HCN1: variants seen among roughly 807,000 people sequenced by gnomAD.
HCN1 encodes potassium/sodium hyperpolarization-activated cyclic nucleotide-gated channel 1.
A neutral mutation model predicts 78.9 loss-of-function variants in HCN1; 13 were observed. The ratio of observed to expected loss-of-function variants is 0.16; its 90% confidence interval spans 0.11 to 0.26. The LOEUF is 0.26. Among genes scored for constraint, HCN1 ranks in the 10% least tolerant of loss-of-function variants. The probability of loss-of-function intolerance (pLI) is 1.00; values close to 1 mark genes in which losing one functional copy is unlikely to be tolerated. For missense variants in HCN1, 810 were observed against 1,154.3 expected (o/e 0.70, Z 4.32); for synonymous variants, 552 against 455.5 (o/e 1.21, Z -2.70).
intron 5 of HCN1, among the ~76,000 whole-genome samples, chr5:45,307,998 G>C (rs1426330232): frequency 6.6e-6 from 1 of 152,100 alleles, no homozygotes; most frequent in Non-Finnish European, 1.5e-5. Flanking sequence ...CCCAATGTTG[G>C]AGGTGGTGCA....
At chr5:45,613,687 C>T (rs1744887364) in intron 2 of HCN1, among the ~76,000 whole-genome samples, 1 of 151,924 alleles carries the variant, frequency 6.6e-6, no homozygotes, top group South Asian at 2.1e-4. Context: ...TGGCATTATT[C>T]ACAATAGCAA....
chr5:45,654,913 A>G (rs1228868483), intron 1 of HCN1, among the ~76,000 whole-genome samples: 2 of 152,090 alleles, frequency 1.3e-5, no homozygotes, highest in African/African-American at 2.4e-5. Flanking sequence ...CATATTTTCA[A>G]ATCATCCAGT....
intron 2 of HCN1, among the ~76,000 whole-genome samples, chr5:45,540,403 T>C (rs1040661810): frequency 1.3e-5 from 2 of 151,842 alleles, no homozygotes; most frequent in Non-Finnish European, 2.9e-5. Flanking sequence ...TCATGGTTCA[T>C]TGCAGCCTCA....
chr5:45,298,259 A>G (rs533678416), intron 6 of HCN1, among the ~76,000 whole-genome samples: 1 of 152,138 alleles, frequency 6.6e-6, no homozygotes, highest in South Asian at 2.1e-4. Context: ...TGGTAGCTTT[A>G]TAAACAGAGA....
At chr5:45,620,519 G>A (rs924482533) in intron 2 of HCN1, among the ~76,000 whole-genome samples, 24 of 151,106 alleles carry the variant, frequency 1.6e-4, no homozygotes, top group African/African-American at 4.9e-4. Context: ...AGACAAATAC[G>A]GAGAGCATTA....
At chr5:45,307,027 C>T (rs1745748791) in intron 5 of HCN1, among the ~76,000 whole-genome samples, 1 of 151,924 alleles carries the variant, frequency 6.6e-6, no homozygotes, top group Admixed American at 6.6e-5. Context: ...AAAGACCAAT[C>T]CCCAAAATGA....
chr5:45,430,874 T>G (rs541872258), intron 3 of HCN1, among the ~76,000 whole-genome samples: 1 of 152,254 alleles, frequency 6.6e-6, no homozygotes, highest in East Asian at 1.9e-4. Flanking sequence ...TGATTCCATG[T>G]CTTTGCTATT....
intron 2 of HCN1, among the ~76,000 whole-genome samples, chr5:45,609,452 T>C (rs1387223599): frequency 1.3e-5 from 2 of 152,104 alleles, no homozygotes; most frequent in Non-Finnish European, 2.9e-5. Context: ...GGAATATTAA[T>C]GCTCAAAATA....
intron 5 of HCN1, among the ~76,000 whole-genome samples, chr5:45,351,157 G>A (rs1449155948): frequency 6.6e-6 from 1 of 152,020 alleles, no homozygotes; most frequent in Non-Finnish European, 1.5e-5. Flanking sequence ...AAAACAGCAT[G>A]GTACTGATAC....
chr5:45,430,810 A>G lies in HCN1; in HGVS notation c.1011+31036T>C, dbSNP rs145791421. Among the ~76,000 whole-genome samples, 82 of 152,228 alleles carry G rather than the reference A, an allele frequency of 5.4e-4. 1 individual carries two copies. Among genetic ancestry groups the G allele is most frequent in the East Asian group, 2.1e-3 (11 of 5,160 alleles). ...GGACTCCAGCCTGGGCGACAGAGCGAGACTCTGCCTCAAAAAAAAGAAAAA... is the reference window on the plus strand; with the variant it reads ...GGACTCCAGCCTGGGCGACAGAGCGGGACTCTGCCTCAAAAAAAAGAAAAA... On this transcript the variant is annotated intron_variant, in intron 3 of 7. Coordinates refer to ENST00000303230, the MANE Select transcript of HCN1 (RefSeq NM_021072.4).
chr5:45,346,717 G>A lies in HCN1; in HGVS notation c.1377+6383C>T, dbSNP rs573988215. ...CCGGCACACCAGGAGATTATATCCTGCACCTGGCTTGGAGGGTCCTACATC... is the reference window on the plus strand; with the variant it reads ...CCGGCACACCAGGAGATTATATCCTACACCTGGCTTGGAGGGTCCTACATC... On this transcript the variant is annotated intron_variant, in intron 5 of 7. Transcript: ENST00000303230. Among the ~76,000 whole-genome samples the A allele has an allele frequency of 1.2e-4, 18 of 152,318 alleles. No individual in the cohort carries two copies. In the East Asian group the frequency reaches 2.5e-3, roughly 21 times the overall value.
chr5:45,402,377 A>G (rs1362853393), intron 3 of HCN1, among the ~76,000 whole-genome samples: 1 of 152,140 alleles, frequency 6.6e-6, no homozygotes, highest in Non-Finnish European at 1.5e-5. Flanking sequence ...ACATCAGCAG[A>G]CATTTTAGTT....
chr5:45,271,001 A>T (rs1251127883), intron 6 of HCN1, among the ~76,000 whole-genome samples: 4 of 152,088 alleles, frequency 2.6e-5, no homozygotes, highest in Non-Finnish European at 5.9e-5. Context: ...ATAGGTACAC[A>T]TTACTAAGTA....
At chr5:45,570,875 CTT>C (rs1554033456) in intron 2 of HCN1, among the ~76,000 whole-genome samples, 1 of 152,050 alleles carries the variant, frequency 6.6e-6, no homozygotes, top group Non-Finnish European at 1.5e-5. Context: ...ATTTAAAATT[CTT>C]TTGTGACAAT....
At chr5:45,374,065 A>AAT (rs1388065772) in intron 4 of HCN1, among the ~76,000 whole-genome samples, 1 of 105,356 alleles carries the variant, frequency 9.5e-6, no homozygotes, top group African/African-American at 3.8e-5. Context: ...TTATATATAT[A>AAT]ATATATATAA....
chr5:45,346,296 T>C (rs901497710), intron 5 of HCN1, among the ~76,000 whole-genome samples: 20 of 152,152 alleles, frequency 1.3e-4, no homozygotes, highest in East Asian at 5.8e-4. Context: ...CCATAATTCA[T>C]TGAGTACATA....
chr5:45,456,992 G>T (rs1028323765), intron 3 of HCN1, among the ~76,000 whole-genome samples: 1 of 151,988 alleles, frequency 6.6e-6, no homozygotes, highest in African/African-American at 2.4e-5. Context: ...CCATATGTAT[G>T]ACATTCAGAT....
intron 4 of HCN1, among the ~76,000 whole-genome samples, chr5:45,373,992 TAA>T (rs1338323352): frequency 8.7e-5 from 9 of 103,692 alleles, no homozygotes; most frequent in African/African-American, 3.8e-4. Context: ...ATAATATATA[TAA>T]TATATATTAT....
chr5:45,453,760 C>T (rs1740970537), intron 3 of HCN1, among the ~76,000 whole-genome samples: 1 of 151,994 alleles, frequency 6.6e-6, no homozygotes, highest in South Asian at 2.1e-4. Flanking sequence ...TCATTTCCTT[C>T]AAAATAGGTG....
Sources: gnomAD v4.1 joint callset for allele counts (sites outside exome capture counted in the v4.1 genomes callset) on GRCh38, gnomAD v4.1.1 for gene constraint, MANE v1.5 for transcripts, NCBI Gene and HGNC (gene_info 2026-07-23, HGNC 2026-07-21) for gene names.